Variants in H2AZ2 observed in about 807,000 individuals in gnomAD.
H2AZ2 encodes the protein histone H2A.V.
Under a neutral mutation model 15.5 loss-of-function variants are expected in H2AZ2, and 5 were observed. The ratio of observed to expected loss-of-function variants is 0.32; its 90% CI spans 0.17 to 0.68. The LOEUF is 0.68. Ranked by LOEUF, H2AZ2 falls within the 30% of genes least tolerant of loss-of-function variation. The pLI, the probability that H2AZ2 is intolerant of heterozygous loss-of-function variation, is 0.72. For missense variants in H2AZ2, 42 were observed against 162.5 expected (o/e 0.26, Z 4.03); for synonymous variants, 44 against 57.4 (o/e 0.77, Z 1.05).
In H2AZ2 at chr7:44,832,497, G is replaced by T. The variant is rs1237385611; in HGVS notation, c.*2004C>A. 6.6e-6 allele frequency among the ~76,000 whole-genome samples: 1 copy of T among 152,088 alleles called. No homozygotes were observed. The highest frequency in any genetic ancestry group is 1.5e-5 in the Non-Finnish European group (1 of 68,028). On this transcript the variant is annotated 3_prime_UTR_variant, in exon 5 of 5. Transcript: ENST00000308153. ...AGAGCTTCATTCTGCTATTCTTTTT[G>T]TGCATTTGTGAAAATTTCCATAATA...
At position 44,832,748 on chromosome 7, in the gene H2AZ2, T is replaced by A. The variant is rs529420730; in HGVS notation, c.*1753A>T. The stretch of plus-strand genomic sequence containing the variant: ...AGGATGGCTTGAGCCAGGAGTTCAA[T>A]ACCAACCTGGGCAACATAGGGAGAC... On this transcript the variant is annotated 3_prime_UTR_variant, in exon 5 of 5. Coordinates refer to ENST00000308153, the MANE Select transcript of H2AZ2 (RefSeq NM_012412.5). Among the ~76,000 whole-genome samples, 2 of 152,058 alleles carry A rather than the reference T, an allele frequency of 1.3e-5. No individual in the cohort carries two copies. Among genetic ancestry groups the A allele is most frequent in the Non-Finnish European group, 2.9e-5 (2 of 68,008 alleles).
Position 44,835,525 on chromosome 7 carries a change from A to G in H2AZ2, c.325+4T>C. On this transcript the variant is annotated splice_donor_region_variant and intron_variant, in intron 4 of 4. Transcript: ENST00000308153. ...AGAATCAAGGCTTAAGTAGTAATAC[A>G]TACCACCCCCAGCTATGGTAGCCTT... is the stretch of plus-strand genomic sequence containing the variant. The G allele has an allele frequency of 6.2e-7, 1 of 1,613,490 alleles. No individual in the cohort carries two copies. The highest frequency in any genetic ancestry group is 1.3e-5 in the African/African-American group (1 of 75,018).
At chr7:44,839,475 G>A (rs1175338014) in intron 3 of H2AZ2, among the ~76,000 whole-genome samples, 1 of 151,624 alleles carries the variant, frequency 6.6e-6, no homozygotes, top group Non-Finnish European at 1.5e-5. Flanking sequence ...AGGAGATCGA[G>A]ACCATCCTGG....
chr7:44,830,390 C>T (rs1232423697), downstream of H2AZ2, among the ~76,000 whole-genome samples: 1 of 152,126 alleles, frequency 6.6e-6, no homozygotes, highest in East Asian at 1.9e-4. Context: ...GGCACCAAAG[C>T]AAGTCACATT....
intron 1 of H2AZ2, among the ~76,000 whole-genome samples, chr7:44,846,235 T>G (rs1054497257): frequency 3.3e-5 from 5 of 152,202 alleles, no homozygotes; most frequent in Admixed American, 3.3e-4. Context: ...TCCTGCATTT[T>G]TAGCTTATGT....
At position 44,840,941 on chromosome 7, in the gene H2AZ2, A is replaced by G; in HGVS notation, c.153T>C (p.Ala51=). The G allele has an allele frequency of 1.9e-6, 3 of 1,614,212 alleles. No individual in the cohort carries two copies. The highest frequency in any genetic ancestry group is 2.5e-6 in the Non-Finnish European group (3 of 1,180,024). The change falls in exon 3 of 5, where the codon GCT becomes GCC. Residue 51 remains alanine, a synonymous_variant. Coordinates refer to ENST00000308153, the MANE Select transcript of H2AZ2 (RefSeq NM_012412.5). ...CCAGAATCGCAGCACTGTACACGGC[A>G]GCAGTGGCACCCACCCTTCCATGGC... ...TTSHGRVGAT[A]AVYSAAILEY... is the part of the protein sequence containing the mutation.
At chr7:44,834,705 C>A (rs190562203) in intron 4 of H2AZ2, 143 bp from the exon 5 acceptor site, 7 of 675,976 alleles carry the variant, frequency 1.0e-5, no homozygotes, top group African/African-American at 8.9e-5. Context: ...TGGCTACACC[C>A]CAGGGGTCTG....
intron 1 of H2AZ2, among the ~76,000 whole-genome samples, chr7:44,846,667 A>AC (rs1793418758): frequency 1.3e-5 from 2 of 150,824 alleles, no homozygotes; most frequent in Non-Finnish European, 3.0e-5. Context: ...AAAAAAAAAA[A>AC]AACCACAAAA....
chr7:44,836,895 G>C (rs1463819594), intron 3 of H2AZ2, among the ~76,000 whole-genome samples: 4 of 151,602 alleles, frequency 2.6e-5, no homozygotes, highest in African/African-American at 7.3e-5. Flanking sequence ...ACTCGGGAGG[G>C]TGAGGCAGGA....
chr7:44,836,982 C>T (rs1211208309), intron 3 of H2AZ2, among the ~76,000 whole-genome samples: 1 of 151,128 alleles, frequency 6.6e-6, no homozygotes, highest in Non-Finnish European at 1.5e-5. Context: ...GACGACAGAG[C>T]GAGACTCTGT....
chr7:44,834,650 T>G (rs1793072785), intron 4 of H2AZ2, 88 bp from the exon 5 acceptor site: 1 of 1,246,604 alleles, frequency 8.0e-7, no homozygotes, highest in African/African-American at 1.5e-5. Context: ...GAAATTTACT[T>G]AAGTCCCTTT....
rs1793326690 is a variant in H2AZ2, at chr7:44,843,471, T to A, written c.4-117A>T. On this transcript the variant is annotated intron_variant, in intron 1 of 4. Transcript: ENST00000308153. Reference sequence around the variant, plus strand: ...TAGGTAGTTAACAATATGTAGGTGATCCCCTTCCTCATTTGTAAATATACA... The same window carrying A: ...TAGGTAGTTAACAATATGTAGGTGAACCCCTTCCTCATTTGTAAATATACA... 2.1e-5 allele frequency: 13 copies of A among 627,484 alleles called. No homozygotes were observed. In the South Asian group the frequency reaches 2.6e-4, roughly 13 times the overall value. The allele number at this position is 627,484 out of a possible 1,614,324, so 38.9% of individuals were successfully genotyped here.
In H2AZ2 at chr7:44,841,388, C is replaced by G. The variant is rs1793272103; in HGVS notation, c.82-376G>C. Reference sequence around the variant, plus strand: ...ATCTTAAATGTTCTTTCTTCAGTTTCAAGAGGTGATCTGATAGTTAAGAAA... The same window carrying G: ...ATCTTAAATGTTCTTTCTTCAGTTTGAAGAGGTGATCTGATAGTTAAGAAA... On this transcript the variant is annotated intron_variant, in intron 2 of 4. Coordinates refer to ENST00000308153, the MANE Select transcript of H2AZ2 (RefSeq NM_012412.5). Among the ~76,000 whole-genome samples, 3 of 152,168 alleles carry G rather than the reference C, an allele frequency of 2.0e-5. No homozygotes were observed. The South Asian group carries it at 6.2e-4, about 31-fold the overall frequency.
chr7:44,830,284 T>C (rs1348928994), downstream of H2AZ2: 11 of 945,152 alleles, frequency 1.2e-5, no homozygotes, highest in Non-Finnish European at 1.7e-5. Flanking sequence ...TAGATATAGG[T>C]GGTGAGTATA....
At chr7:44,828,284 C>G (rs1051809082), downstream of H2AZ2, 3 of 152,196 alleles carry the variant, frequency 2.0e-5, no homozygotes, top group Non-Finnish European at 4.4e-5. Context: ...TTCTAAGTGA[C>G]TGGTCTGGGA....
chr7:44,846,816 C>T (rs1793423231), intron 1 of H2AZ2, among the ~76,000 whole-genome samples: 1 of 151,972 alleles, frequency 6.6e-6, no homozygotes, highest in Non-Finnish European at 1.5e-5. Context: ...GCAATTATCC[C>T]TAAAGTCTAT....
chr7:44,847,155 A>G (rs1480976094), intron 1 of H2AZ2, among the ~76,000 whole-genome samples: 2 of 152,234 alleles, frequency 1.3e-5, no homozygotes, highest in Non-Finnish European at 2.9e-5. Flanking sequence ...ATAAGATTCC[A>G]TAACAGTCTT....
rs1490346161 is a variant in H2AZ2 at position 44,843,154 on chromosome 7, AAAAAAAAAAAAAAAAAAAAAAGTCTGT to A, written c.81+96_81+122del. Reference sequence around the variant, plus strand: ...CTCTGTCTCAAAAAAAAAAAAAAAAAAAAAAAAAAAAAAAAAAAAAAGTCTGTAGTAATACAAGTAGATTTTTGTAAT... The same window carrying A: ...CTCTGTCTCAAAAAAAAAAAAAAAAAAGTAATACAAGTAGATTTTTGTAAT... On this transcript the variant is annotated intron_variant, in intron 2 of 4. Coordinates refer to ENST00000308153, the MANE Select transcript of H2AZ2 (RefSeq NM_012412.5). The A allele has an allele frequency of 1.8e-3, 491 of 270,282 alleles. 4 individuals are homozygous for A. The highest frequency in any genetic ancestry group is 0.011 in the African/African-American group (428 of 39,222). 16.7% of individuals were successfully genotyped at this position (270,282 alleles called of 1,614,324 possible). A position where few individuals can be genotyped will look rare whatever the true frequency, so the allele number is the denominator to read the frequency against.
intron 3 of H2AZ2, among the ~76,000 whole-genome samples, chr7:44,839,492 C>T (rs1387382121): frequency 4.0e-5 from 6 of 151,092 alleles, no homozygotes; most frequent in Non-Finnish European, 5.9e-5. Flanking sequence ...CTGGCTACCA[C>T]GGTGAAACCC....
Sources: gnomAD v4.1 joint callset for allele counts (sites outside exome capture counted in the v4.1 genomes callset) on GRCh38, gnomAD v4.1.1 for gene constraint, MANE v1.5 for transcripts, NCBI Gene and HGNC (gene_info 2026-07-23, HGNC 2026-07-21) for gene names.